CCNI: variants seen among roughly 807,000 people sequenced by gnomAD.
The protein encoded by CCNI is cyclin I.
In CCNI, 14 loss-of-function variants were observed where a neutral mutation model predicts 34.1. That is an observed-to-expected ratio of 0.41 (90% CI 0.27 to 0.64). The LOEUF is 0.64. Ranked by LOEUF, CCNI falls within the 30% of genes least tolerant of loss-of-function variation. The probability of loss-of-function intolerance (pLI) is 0.31; values close to 1 mark genes in which losing one functional copy is unlikely to be tolerated. For synonymous variants in CCNI, 154 were observed against 158.4 expected (o/e 0.97, Z 0.21); for missense variants, 385 against 440.5 (o/e 0.87, Z 1.13).
At chr4:77,074,061 C>T (rs1298686024) in intron 1 of CCNI, among the ~76,000 whole-genome samples, 1 of 152,052 alleles carries the variant, frequency 6.6e-6, no homozygotes, top group Non-Finnish European at 1.5e-5. Flanking sequence ...ATTTTAAAGA[C>T]GAAGAAACAT....
chr4:77,072,596 C>T lies in CCNI; in HGVS notation c.-44+2876G>A, dbSNP rs575573523. Among the ~76,000 whole-genome samples, 65 of 143,426 alleles carry T rather than the reference C, an allele frequency of 4.5e-4. 1 individual carries two copies. Among genetic ancestry groups the T allele is most frequent in the Non-Finnish European group, 4.5e-5 (3 of 66,738 alleles). The allele number at this position is 143,426 out of a possible 152,430, so 94.1% of individuals were successfully genotyped here. A position where few individuals can be genotyped will look rare whatever the true frequency, so the allele number is the denominator to read the frequency against. On this transcript the variant is annotated intron_variant, in intron 1 of 6. Transcript: ENST00000237654. ...AGGCTGCAGTCAGCTATGATTACAG[C>T]ACCTCACTCCAGCCTGGGTAACAAA...
chr4:77,057,022 ATTT>A (rs1468872682), intron 3 of CCNI, among the ~76,000 whole-genome samples: 1 of 152,206 alleles, frequency 6.6e-6, no homozygotes, highest in Non-Finnish European at 1.5e-5. Flanking sequence ...AAAAAGCTTG[ATTT>A]AGAAGTTTTT....
At chr4:77,067,120 T>A (rs1729089325) in intron 1 of CCNI, among the ~76,000 whole-genome samples, 1 of 151,936 alleles carries the variant, frequency 6.6e-6, no homozygotes, top group Non-Finnish European at 1.5e-5. Context: ...TAATCCCAGC[T>A]ACTCGGGAGG....
chr4:77,058,688 A>T, intron 2 of CCNI, 53 bp from the exon 3 acceptor site: 1 of 1,521,054 alleles, frequency 6.6e-7, no homozygotes, highest in Non-Finnish European at 9.0e-7. Flanking sequence ...TATCATCAAG[A>T]GTATGTTTAG....
chr4:77,048,721 C>G (rs968695057), intron 6 of CCNI, 59 bp from the exon 7 acceptor site: 1 of 1,305,992 alleles, frequency 7.7e-7, no homozygotes. Context: ...ATAGGCTGCT[C>G]TGTTATCTCT....
intron 6 of CCNI, among the ~76,000 whole-genome samples, chr4:77,048,979 T>G (rs997385818): frequency 2.3e-4 from 34 of 146,348 alleles, no homozygotes; most frequent in African/African-American, 8.3e-4. Context: ...TTTTTTTTTT[T>G]TTTTTTTTTC....
At position 77,056,361 on chromosome 4, in the gene CCNI, T is replaced by G. The variant is rs1728230574; in HGVS notation, c.244-38A>C. 5 of 1,491,314 alleles carry G rather than the reference T, an allele frequency of 3.4e-6. No individual in the cohort carries two copies. In the African/African-American group the frequency reaches 5.5e-5, roughly 16 times the overall value. 92.4% of individuals were successfully genotyped at this position (1,491,314 alleles called of 1,614,324 possible). A position where few individuals can be genotyped will look rare whatever the true frequency, so the allele number is the denominator to read the frequency against. On this transcript the variant is annotated intron_variant, in intron 3 of 6. Coordinates refer to ENST00000237654, the MANE Select transcript of CCNI (RefSeq NM_006835.3). ...AGAGGGAAAAAGCAACTTTAGTGAT[T>G]TTTCAAAAACAATTTAACTTTTTGT...
chr4:77,062,416 T>C (rs766717138), intron 2 of CCNI, among the ~76,000 whole-genome samples: 15 of 152,104 alleles, frequency 9.9e-5, no homozygotes, highest in Non-Finnish European at 2.2e-4. Context: ...ATAAAAAAAT[T>C]AGGCATGGTG....
At chr4:77,054,277 A>C (rs1728060107) in intron 6 of CCNI, among the ~76,000 whole-genome samples, 1 of 152,202 alleles carries the variant, frequency 6.6e-6, no homozygotes, top group Non-Finnish European at 1.5e-5. Context: ...TGCTACAATT[A>C]GTTTATTGCA....
At chr4:77,067,474 G>C (rs909222877) in intron 1 of CCNI, among the ~76,000 whole-genome samples, 3 of 152,020 alleles carry the variant, frequency 2.0e-5, no homozygotes, top group African/African-American at 7.2e-5. Context: ...TAGAGTCCAA[G>C]AGAAATGTCT....
In CCNI at chr4:77,048,032, T is replaced by A; in HGVS notation, c.*187A>T. On this transcript the variant is annotated 3_prime_UTR_variant, in exon 7 of 7. Coordinates refer to ENST00000237654, the MANE Select transcript of CCNI (RefSeq NM_006835.3). Reference sequence around the variant, plus strand: ...ATTTCTTTTTTTTTTTTTTGGTCTTTATGTGCTTAAATAACGCTGAATTAT... The same window carrying A: ...ATTTCTTTTTTTTTTTTTTGGTCTTAATGTGCTTAAATAACGCTGAATTAT... 1 of 449,816 alleles carries A rather than the reference T, an allele frequency of 2.2e-6. No homozygotes were observed. The highest frequency in any genetic ancestry group is 3.2e-5 in the East Asian group (1 of 30,834). 27.9% of individuals were successfully genotyped at this position (449,816 alleles called of 1,614,324 possible).
Position 77,048,507 on chromosome 4 carries a change from G to A in CCNI, c.846C>T (p.Ser282=). The change falls in exon 7 of 7, where the codon TCC becomes TCT. Residue 282 remains serine, a synonymous_variant. Transcript: ENST00000237654. ...CDKGVFRLHP[S]SVPGPDFSKD... is the part of the protein sequence containing the mutation. ...TGGAGAAGTCTGGGCCTGGGACAGA[G>A]GAGGGATGTAATCTGAACACTCCTT... 1.2e-6 allele frequency: 2 copies of A among 1,614,148 alleles called. No individual in the cohort carries two copies. The highest frequency in any genetic ancestry group is 1.3e-5 in the African/African-American group (1 of 75,032).
intron 2 of CCNI, among the ~76,000 whole-genome samples, chr4:77,063,153 G>C (rs1424592890): frequency 1.3e-5 from 2 of 151,998 alleles, no homozygotes; most frequent in Non-Finnish European, 2.9e-5. Context: ...CTAAATTTGG[G>C]GATAGGGGAT....
At chr4:77,073,382 T>A (rs568498273) in intron 1 of CCNI, among the ~76,000 whole-genome samples, 2 of 152,348 alleles carry the variant, frequency 1.3e-5, no homozygotes, top group African/African-American at 4.8e-5. Flanking sequence ...TGCACAGTGC[T>A]GGGTATACAA....
chr4:77,075,573 A>G lies in CCNI; in HGVS notation c.-145T>C. 1.0e-6 allele frequency: 1 copy of G among 988,068 alleles called. No individual in the cohort carries two copies. The allele number at this position is 988,068 out of a possible 1,614,324, so 61.2% of individuals were successfully genotyped here. A position where few individuals can be genotyped will look rare whatever the true frequency, so the allele number is the denominator to read the frequency against. Reference sequence around the variant, plus strand: ...GGGCCCGTTACCACCTCATTCTCATAGGCGCGCGGAGGCGGTGCGCGCGGG... The same window carrying G: ...GGGCCCGTTACCACCTCATTCTCATGGGCGCGCGGAGGCGGTGCGCGCGGG... On this transcript the variant is annotated 5_prime_UTR_variant, in exon 1 of 7. Transcript: ENST00000237654.
At chr4:77,056,402 C>A in intron 3 of CCNI, 79 bp from the exon 4 acceptor site, 1 of 1,014,396 alleles carries the variant, frequency 9.9e-7, no homozygotes. Context: ...TTTTAAAAAC[C>A]TAGATATGCA....
intron 6 of CCNI, among the ~76,000 whole-genome samples, chr4:77,054,799 G>A (rs188188748): frequency 6.0e-4 from 91 of 152,104 alleles, no homozygotes; most frequent in African/African-American, 1.9e-3. Flanking sequence ...CCTGACATCC[G>A]TTATAAAATG....
intron 6 of CCNI, 58 bp downstream of exon 6, chr4:77,055,092 T>G: frequency 9.1e-7 from 1 of 1,102,628 alleles, no homozygotes; most frequent in Admixed American, 1.9e-5. Context: ...GGTAACTCTA[T>G]GTATTCCAAT....
At chr4:77,055,569 T>C (rs550478344) in intron 5 of CCNI, among the ~76,000 whole-genome samples, 189 bp from the exon 6 acceptor site, 104 of 152,028 alleles carry the variant, frequency 6.8e-4, no homozygotes, top group Admixed American at 2.2e-3. Context: ...TTCAAGCAAT[T>C]CTCCTGCCTG....
Sources: allele counts gnomAD v4.1 joint callset (sites outside exome capture counted in the v4.1 genomes callset), GRCh38; gene constraint gnomAD v4.1.1; transcripts MANE v1.5; gene names NCBI Gene and HGNC (gene_info 2026-07-23, HGNC 2026-07-21).